GABRG3: variants seen among roughly 807,000 people sequenced by gnomAD.
The protein encoded by GABRG3 is gamma-aminobutyric acid type A receptor subunit gamma3, also known as gamma-aminobutyric acid receptor subunit gamma-3.
GABRG3 carries 25 observed loss-of-function variants against 48.8 expected under a neutral mutation model. The observed-to-expected ratio is 0.51, with a 90% CI of 0.37 to 0.72. The LOEUF (loss-of-function observed/expected upper bound fraction) is 0.72. GABRG3 is among the 30% of genes least tolerant of loss of function. GABRG3 has a pLI of 0.00. For missense variants in GABRG3, 394 were observed against 577.9 expected, an observed-to-expected ratio of 0.68 and a Z score of 3.26; for synonymous variants, 227 against 217.6, an observed-to-expected ratio of 1.04 and a Z score of -0.38.
chr15:27,448,442 GA>G (rs1456230263), intron 5 of GABRG3, among the ~76,000 whole-genome samples: 1 of 152,212 alleles, frequency 6.6e-6, no homozygotes, highest in Admixed American at 6.5e-5. Context: ...TACCACTCAT[GA>G]CGTAATTATT....
chr15:27,043,585 C>T (rs1308824496), intron 3 of GABRG3, among the ~76,000 whole-genome samples: 1 of 152,192 alleles, frequency 6.6e-6, no homozygotes, highest in Non-Finnish European at 1.5e-5. Context: ...CTTCCTTCCG[C>T]CCTTTTCTGC....
chr15:27,097,933 T>C (rs551586509), intron 3 of GABRG3, among the ~76,000 whole-genome samples: 1 of 141,168 alleles, frequency 7.1e-6, no homozygotes, highest in South Asian at 2.2e-4. Flanking sequence ...TTCTTAAATC[T>C]ATTATTCTTT....
chr15:27,157,720 T>A (rs1163097236), intron 3 of GABRG3: 1 of 152,216 alleles, frequency 6.6e-6, no homozygotes, highest in Admixed American at 6.5e-5. Context: ...GCAGACATAT[T>A]GCAATATCAA....
chr15:26,994,356 C>T (rs963539582), intron 2 of GABRG3, among the ~76,000 whole-genome samples: 5 of 151,242 alleles, frequency 3.3e-5, no homozygotes, highest in Admixed American at 2.0e-4. Flanking sequence ...TTTGTGTATA[C>T]GTTTTATGTT....
intron 2 of GABRG3, among the ~76,000 whole-genome samples, chr15:27,018,146 T>C (rs1895813131): frequency 6.6e-6 from 1 of 152,348 alleles, no homozygotes; most frequent in East Asian, 1.9e-4. Context: ...ATTCAGTTTA[T>C]AGATGGAGAA....
chr15:27,423,253 A>AC (rs1255103660), intron 5 of GABRG3, among the ~76,000 whole-genome samples: 1 of 150,728 alleles, frequency 6.6e-6, no homozygotes, highest in African/African-American at 2.4e-5. Context: ...AAAAAAAAAA[A>AC]AAAAAAAAAA....
At chr15:27,362,146 ATT>A (rs1895045674) in intron 5 of GABRG3, among the ~76,000 whole-genome samples, 1 of 152,196 alleles carries the variant, frequency 6.6e-6, no homozygotes, top group African/African-American at 2.4e-5. Context: ...CTCCCAAGCT[ATT>A]GAATGCTTTC....
intron 5 of GABRG3, among the ~76,000 whole-genome samples, chr15:27,400,927 C>T (rs535233353): frequency 3.3e-5 from 5 of 152,260 alleles, no homozygotes; most frequent in African/African-American, 9.6e-5. Context: ...AACAGTCTCC[C>T]GTTTCATGGA....
chr15:27,285,825 A>G (rs1891591047), intron 3 of GABRG3, among the ~76,000 whole-genome samples: 1 of 152,154 alleles, frequency 6.6e-6, no homozygotes, highest in East Asian at 1.9e-4. Flanking sequence ...ACTGGGCAGG[A>G]AGTGAACTGT....
chr15:27,159,949 G>C (rs1428448021), intron 3 of GABRG3, among the ~76,000 whole-genome samples: 3 of 152,144 alleles, frequency 2.0e-5, no homozygotes, highest in African/African-American at 7.2e-5. Context: ...TCCATGGGTT[G>C]GAAGGCTTTA....
intron 3 of GABRG3, among the ~76,000 whole-genome samples, chr15:27,231,311 A>G (rs1017618164): frequency 6.6e-6 from 1 of 152,240 alleles, no homozygotes; most frequent in Non-Finnish European, 1.5e-5. Context: ...ACATAATAAT[A>G]TAACTGTAGT....
chr15:27,004,011 G>C (rs560862425), intron 2 of GABRG3, among the ~76,000 whole-genome samples: 3 of 149,596 alleles, frequency 2.0e-5, no homozygotes, highest in Admixed American at 2.0e-4. Context: ...CGGACGGGGC[G>C]GCTGTCCGGG....
intron 5 of GABRG3, among the ~76,000 whole-genome samples, chr15:27,367,597 A>T (rs549393804): frequency 1.3e-5 from 2 of 152,304 alleles, no homozygotes; most frequent in South Asian, 4.1e-4. Context: ...AGGATTGGGA[A>T]GGGGCTGTGC....
At position 27,095,825 on chromosome 15, in the gene GABRG3, C is replaced by G. The variant is rs561872281; in HGVS notation, c.270+69004C>G. On this transcript the variant is annotated intron_variant, in intron 3 of 9. Coordinates refer to ENST00000615808, the MANE Select transcript of GABRG3 (RefSeq NM_033223.5). ...CTGGCTCTGCCTCTTCTGACTTCCT[C>G]TTCCACACCAACCCGTTTTCAGACA... is the stretch of plus-strand genomic sequence containing the variant. Among the ~76,000 whole-genome samples, 10 of 152,264 alleles carry G rather than the reference C, an allele frequency of 6.6e-5. No individual in the cohort carries two copies. In the South Asian group the frequency reaches 2.1e-3, roughly 32 times the overall value.
At chr15:27,454,539 C>T (rs550593539) in intron 5 of GABRG3, among the ~76,000 whole-genome samples, 19 of 152,250 alleles carry the variant, frequency 1.2e-4, no homozygotes, top group East Asian at 3.9e-4. Flanking sequence ...GAGTCCAAGG[C>T]GCCTCATGAC....
intron 3 of GABRG3, among the ~76,000 whole-genome samples, chr15:27,060,651 G>A (rs1480214046): frequency 4.6e-5 from 7 of 152,292 alleles, no homozygotes; most frequent in African/African-American, 1.4e-4. Context: ...TGCCCAAAAG[G>A]AAAATCAAAT....
intron 3 of GABRG3, among the ~76,000 whole-genome samples, chr15:27,181,439 G>A (rs907192013): frequency 6.6e-6 from 1 of 152,316 alleles, no homozygotes; most frequent in Non-Finnish European, 1.5e-5. Context: ...TGCTGCAGAT[G>A]GGGAAGGCTG....
chr15:27,038,063 C>T (rs74603363), intron 3 of GABRG3, among the ~76,000 whole-genome samples: 9 of 152,144 alleles, frequency 5.9e-5, no homozygotes, highest in Non-Finnish European at 8.8e-5. Context: ...AGAGCTGTCC[C>T]GATCGGGTCC....
intron 5 of GABRG3, among the ~76,000 whole-genome samples, chr15:27,375,117 G>T (rs1895551923): frequency 6.6e-6 from 1 of 152,170 alleles, no homozygotes; most frequent in South Asian, 2.1e-4. Flanking sequence ...GACAAAATCT[G>T]TTGGGCCTGC....
Sources: allele counts gnomAD v4.1 joint callset (sites outside exome capture counted in the v4.1 genomes callset), GRCh38; gene constraint gnomAD v4.1.1; transcripts MANE v1.5; gene names NCBI Gene and HGNC (gene_info 2026-07-23, HGNC 2026-07-21).